Variants in SLC24A3 observed in about 807,000 individuals in gnomAD.
The protein encoded by SLC24A3 is sodium/potassium/calcium exchanger 3.
In SLC24A3, 28 loss-of-function variants were observed where a neutral mutation model predicts 75.8. The ratio of observed to expected loss-of-function variants is 0.37; its 90% CI spans 0.27 to 0.51. The LOEUF is 0.51. Ranked by LOEUF, SLC24A3 falls within the 20% of genes least tolerant of loss-of-function variation. The pLI is 0.94. For synonymous variants in SLC24A3, 372 were observed against 334.1 expected (o/e 1.11, Z -1.24); for missense variants, 663 against 847.8 (o/e 0.78, Z 2.71).
intron 2 of SLC24A3, among the ~76,000 whole-genome samples, chr20:19,409,587 A>T (rs1986709001): frequency 6.6e-6 from 1 of 152,186 alleles, no homozygotes; most frequent in Non-Finnish European, 1.5e-5. Context: ...TACATTTCTT[A>T]TATGATTGTA....
At chr20:19,706,056 A>G (rs1010649013) in intron 15 of SLC24A3, among the ~76,000 whole-genome samples, 2 of 152,196 alleles carry the variant, frequency 1.3e-5, no homozygotes, top group Non-Finnish European at 2.9e-5. Context: ...GGGCTTAGAA[A>G]TGTAAAATAA....
At chr20:19,683,338 G>A (rs1480024484) in intron 10 of SLC24A3, among the ~76,000 whole-genome samples, 1 of 152,202 alleles carries the variant, frequency 6.6e-6, no homozygotes, top group Non-Finnish European at 1.5e-5. Flanking sequence ...TGGAAAACAG[G>A]AGCTAGTATT....
intron 6 of SLC24A3, among the ~76,000 whole-genome samples, chr20:19,596,711 T>G (rs2031457330): frequency 6.6e-6 from 1 of 152,332 alleles, no homozygotes; most frequent in East Asian, 1.9e-4. Context: ...GTGACACCTA[T>G]GTCCTGGATA....
intron 3 of SLC24A3, among the ~76,000 whole-genome samples, chr20:19,521,766 G>A (rs2030103595): frequency 6.6e-6 from 1 of 152,140 alleles, no homozygotes; most frequent in Non-Finnish European, 1.5e-5. Flanking sequence ...GATTGCTGTT[G>A]TTCAGAGCCA....
chr20:19,342,648 A>G (rs1023168933), intron 2 of SLC24A3, among the ~76,000 whole-genome samples: 1 of 152,224 alleles, frequency 6.6e-6, no homozygotes, highest in Non-Finnish European at 1.5e-5. Context: ...TGGAAGAAGG[A>G]GTGTCTTTTT....
At chr20:19,281,833 A>G (rs1422379687) in intron 2 of SLC24A3, among the ~76,000 whole-genome samples, 1 of 152,214 alleles carries the variant, frequency 6.6e-6, no homozygotes, top group Non-Finnish European at 1.5e-5. Context: ...GTGTATTCTT[A>G]AAATAATTTT....
intron 12 of SLC24A3, among the ~76,000 whole-genome samples, chr20:19,690,028 C>T (rs1211016683): frequency 6.4e-5 from 1 of 15,568 alleles, no homozygotes; most frequent in African/African-American, 1.8e-4. Context: ...GAGACTCTGT[C>T]TCAAAAAAAA....
chr20:19,461,947 T>C (rs1235466379), intron 2 of SLC24A3, among the ~76,000 whole-genome samples: 1 of 152,190 alleles, frequency 6.6e-6, no homozygotes, highest in East Asian at 1.9e-4. Context: ...TAAACAAATA[T>C]TCAGTGGTTG....
intron 2 of SLC24A3, among the ~76,000 whole-genome samples, chr20:19,368,245 G>A (rs1013621701): frequency 5.5e-4 from 83 of 152,288 alleles, no homozygotes; most frequent in Non-Finnish European, 9.7e-4. Context: ...ACTGAAGACA[G>A]GACAGTAATT....
chr20:19,602,451 A>G, intron 6 of SLC24A3, among the ~76,000 whole-genome samples: 1 of 151,714 alleles, frequency 6.6e-6, no homozygotes, highest in East Asian at 1.9e-4. Context: ...TTCAGAAAAA[A>G]CCCTCTACCT....
intron 6 of SLC24A3, among the ~76,000 whole-genome samples, chr20:19,586,269 C>T (rs1168300394): frequency 6.6e-6 from 1 of 152,206 alleles, no homozygotes; most frequent in Non-Finnish European, 1.5e-5. Flanking sequence ...GTTTTGCCAA[C>T]TCTGATATCC....
intron 6 of SLC24A3, among the ~76,000 whole-genome samples, chr20:19,650,669 C>T (rs547693238): frequency 4.3e-4 from 66 of 152,212 alleles, no homozygotes; most frequent in African/African-American, 1.5e-3. Context: ...CCCCCATCTT[C>T]CCCTAAAGAA....
chr20:19,631,803 T>TGA (rs2031937983), intron 6 of SLC24A3, among the ~76,000 whole-genome samples: 1 of 151,420 alleles, frequency 6.6e-6, no homozygotes, highest in Non-Finnish European at 1.5e-5. Context: ...TGTGTGTGTG[T>TGA]GTGTGTGTGT....
At chr20:19,392,656 G>T (rs1054761404) in intron 2 of SLC24A3, among the ~76,000 whole-genome samples, 1 of 152,200 alleles carries the variant, frequency 6.6e-6, no homozygotes, top group South Asian at 2.1e-4. Flanking sequence ...TGAGATTGAT[G>T]ATCTCCTGTT....
intron 6 of SLC24A3, among the ~76,000 whole-genome samples, chr20:19,605,814 C>A (rs2031589365): frequency 6.6e-6 from 1 of 152,128 alleles, no homozygotes; most frequent in South Asian, 2.1e-4. Context: ...ACAAATTATA[C>A]CTATCAGACT....
At position 19,317,640 on chromosome 20, in the gene SLC24A3, T is replaced by C. The variant is rs564491534; in HGVS notation, c.271+36553T>C. On this transcript the variant is annotated intron_variant, in intron 2 of 16. Transcript: ENST00000328041. ...TTAGAAAGCTTATGAGGAAGATCTG[T>C]TCCTCCTTTGAGTTGCTGTAGACAG... Among the ~76,000 whole-genome samples, 104 of 152,310 alleles carry C rather than the reference T, an allele frequency of 6.8e-4. 1 individual carries two copies. The highest frequency in any genetic ancestry group is 2.5e-3 in the African/African-American group (103 of 41,580).
intron 6 of SLC24A3, among the ~76,000 whole-genome samples, chr20:19,635,771 T>C (rs928570985): frequency 2.0e-5 from 3 of 152,190 alleles, no homozygotes; most frequent in Non-Finnish European, 4.4e-5. Context: ...TTGGGCCTCC[T>C]TACATCATGG....
chr20:19,254,974 T>C (rs968682569), intron 1 of SLC24A3, among the ~76,000 whole-genome samples: 1 of 152,258 alleles, frequency 6.6e-6, no homozygotes, highest in Admixed American at 6.5e-5. Flanking sequence ...ACAGCATTGT[T>C]AGGACTAAAG....
At chr20:19,225,903 T>A (rs2122139891) in intron 1 of SLC24A3, among the ~76,000 whole-genome samples, 1 of 152,334 alleles carries the variant, frequency 6.6e-6, no homozygotes. Context: ...AACACTCAGA[T>A]CCAGGGTTTG....
Sources: gnomAD v4.1 joint callset for allele counts (sites outside exome capture counted in the v4.1 genomes callset) on GRCh38, gnomAD v4.1.1 for gene constraint, MANE v1.5 for transcripts, NCBI Gene and HGNC (gene_info 2026-07-23, HGNC 2026-07-21) for gene names.